PACS1: variants seen among roughly 807,000 people sequenced by gnomAD.
PACS1 encodes phosphofurin acidic cluster sorting protein 1.
In PACS1, 24 loss-of-function variants were observed where a neutral mutation model predicts 115.0. The observed-to-expected ratio is 0.21, with a 90% confidence interval of 0.15 to 0.29. The LOEUF is 0.29. PACS1 is among the 10% of genes least tolerant of loss of function. PACS1 has a pLI of 1.00. For missense variants in PACS1, 838 were observed against 1,251.2 expected, an observed-to-expected ratio of 0.67 and a Z score of 4.98; for synonymous variants, 453 against 504.5, an observed-to-expected ratio of 0.90 and a Z score of 1.37.
chr11:66,213,527 T>TGG (rs1310477670), intron 4 of PACS1, among the ~76,000 whole-genome samples: 2 of 152,186 alleles, frequency 1.3e-5, no homozygotes, highest in Admixed American at 6.5e-5. Context: ...TGTCCCCAAC[T>TGG]GGGTGTCATG....
chr11:66,135,356 A>G lies in PACS1; in HGVS notation c.357-58130A>G, dbSNP rs369051236. On this transcript the variant is annotated intron_variant, in intron 1 of 23. Transcript: ENST00000320580. ...TGAAGAGAAATTAGAAGCCACGCTAAGGACTCATGGTTGCCATCTTCACGA... is the reference window on the plus strand; with the variant it reads ...TGAAGAGAAATTAGAAGCCACGCTAGGGACTCATGGTTGCCATCTTCACGA... Among the ~76,000 whole-genome samples the G allele has an allele frequency of 3.8e-3, 574 of 152,332 alleles. 3 individuals carry two copies. Among genetic ancestry groups the G allele is most frequent in the African/African-American group, 0.013 (524 of 41,580 alleles).
chr11:66,090,429 C>T (rs1334175622), intron 1 of PACS1, among the ~76,000 whole-genome samples: 3 of 152,066 alleles, frequency 2.0e-5, no homozygotes, highest in South Asian at 2.1e-4. Flanking sequence ...CGTGCTGCCA[C>T]ACCCAGCTAA....
rs1488244029 is a variant in PACS1, at chr11:66,121,149, T to C, written c.356+50307T>C. The C allele has an allele frequency of 6.8e-6, 3 of 442,202 alleles. No individual in the cohort carries two copies. The East Asian group carries it at 2.1e-4, about 31-fold the overall frequency. The allele number at this position is 442,202 out of a possible 1,614,324, so 27.4% of individuals were successfully genotyped here. On this transcript the variant is annotated intron_variant, in intron 1 of 23. Coordinates refer to ENST00000320580, the MANE Select transcript of PACS1 (RefSeq NM_018026.4). ...CACATTTTGGTAATTCTTGCAGTAT[T>C]TAAAATTTTTTTATTATTGTGTTGG...
intron 1 of PACS1, among the ~76,000 whole-genome samples, chr11:66,160,358 C>T (rs960050405): frequency 6.6e-6 from 1 of 152,002 alleles, no homozygotes; most frequent in Non-Finnish European, 1.5e-5. Context: ...ATATACATTG[C>T]ACATAACAGT....
chr11:66,157,461 T>C (rs1859387348), intron 1 of PACS1, among the ~76,000 whole-genome samples: 1 of 150,234 alleles, frequency 6.7e-6, no homozygotes, highest in South Asian at 2.1e-4. Context: ...TAGGTACCTG[T>C]GAATATAGGA....
At chr11:66,213,016 A>AT (rs1185918628) in intron 4 of PACS1, among the ~76,000 whole-genome samples, 2 of 151,802 alleles carry the variant, frequency 1.3e-5, no homozygotes, top group Non-Finnish European at 2.9e-5. Context: ...TGCCCGGCTA[A>AT]TTTTTTTTAT....
Position 66,221,223 on chromosome 11 carries a change from C to A in PACS1, c.1269C>A (p.Ser423Arg), listed in dbSNP as rs762020230. 2.5e-6 allele frequency: 4 copies of A among 1,614,222 alleles called. No homozygotes were observed. Among genetic ancestry groups the A allele is most frequent in the Non-Finnish European group, 3.4e-6 (4 of 1,180,032 alleles). Reference protein sequence around the residue: ...TEIGSLNSKGSLGKDTTSPME... With the variant: ...TEIGSLNSKGRLGKDTTSPME... ...TTGGCAGCCTCAACAGCAAAGGCAG[C>A]CTCGGAAAAGACACCACCAGCCCTG... Residue 423 changes from serine (S) to arginine (R), a missense_variant, in exon 10 of 24, where the codon AGC (serine) becomes AGA (arginine). Physicochemically the swap from Ser to Arg is moderately radical, Grantham distance 110. Transcript: ENST00000320580.
intron 1 of PACS1, among the ~76,000 whole-genome samples, chr11:66,181,744 CT>C (rs1318301158): frequency 1.3e-5 from 2 of 151,898 alleles, no homozygotes; most frequent in Admixed American, 1.3e-4. Context: ...TTTGTTTGTT[CT>C]TTTTTTCCCC....
At chr11:66,223,601 A>G (rs1284907352) in intron 10 of PACS1, among the ~76,000 whole-genome samples, 1 of 152,030 alleles carries the variant, frequency 6.6e-6, no homozygotes, top group East Asian at 1.9e-4. Context: ...TGGCCATGAG[A>G]GCTAAATTCC....
intron 1 of PACS1, among the ~76,000 whole-genome samples, chr11:66,160,350 A>T (rs1024594569): frequency 2.6e-5 from 4 of 152,224 alleles, no homozygotes; most frequent in Admixed American, 2.0e-4. Flanking sequence ...ATTAAATTAT[A>T]TACATTGCAC....
intron 1 of PACS1, among the ~76,000 whole-genome samples, chr11:66,087,205 C>T (rs1857587661): frequency 6.6e-6 from 1 of 151,940 alleles, no homozygotes; most frequent in Non-Finnish European, 1.5e-5. Flanking sequence ...TTGTACTTCA[C>T]ACAGTGGATG....
chr11:66,213,815 C>T (rs183867607), intron 4 of PACS1, among the ~76,000 whole-genome samples: 113 of 152,212 alleles, frequency 7.4e-4, no homozygotes, highest in East Asian at 1.4e-3. Flanking sequence ...AGGCGGATCA[C>T]GAGGTCAGGA....
chr11:66,108,550 C>T (rs911657364), intron 1 of PACS1, among the ~76,000 whole-genome samples: 2 of 151,950 alleles, frequency 1.3e-5, no homozygotes, highest in East Asian at 1.9e-4. Context: ...TAGCAAGACC[C>T]CCTGTCTCTA....
chr11:66,139,148 G>T (rs1858919089), intron 1 of PACS1, among the ~76,000 whole-genome samples: 1 of 152,164 alleles, frequency 6.6e-6, no homozygotes, highest in South Asian at 2.1e-4. Flanking sequence ...TAGTTTTCAT[G>T]ATGTGCTTGA....
At chr11:66,161,309 G>A (rs760137429) in intron 1 of PACS1, among the ~76,000 whole-genome samples, 5 of 151,972 alleles carry the variant, frequency 3.3e-5, no homozygotes, top group Middle Eastern at 3.2e-3. Flanking sequence ...AAAATTAGCC[G>A]GGCGTGGTGG....
At chr11:66,227,728 G>A in intron 11 of PACS1, 144 bp downstream of exon 11, 1 of 560,588 alleles carries the variant, frequency 1.8e-6, no homozygotes, top group Non-Finnish European at 3.2e-6. Flanking sequence ...TCTTTCTCCT[G>A]AAATCCTTAC....
At chr11:66,183,582 A>G (rs1246826011) in intron 1 of PACS1, among the ~76,000 whole-genome samples, 1 of 152,182 alleles carries the variant, frequency 6.6e-6, no homozygotes, top group Non-Finnish European at 1.5e-5. Flanking sequence ...TCTGGTCACA[A>G]AGGGACCAGT....
At chr11:66,172,893 T>C (rs1859770564) in intron 1 of PACS1, among the ~76,000 whole-genome samples, 1 of 151,122 alleles carries the variant, frequency 6.6e-6, no homozygotes, top group South Asian at 2.1e-4. Flanking sequence ...GGAGAATCGC[T>C]TGAACCCGGG....
At chr11:66,199,852 T>A (rs1854737908) in intron 2 of PACS1, among the ~76,000 whole-genome samples, 1 of 151,476 alleles carries the variant, frequency 6.6e-6, no homozygotes, top group Non-Finnish European at 1.5e-5. Flanking sequence ...ACCCCATCTC[T>A]ACTAAAAATA....
Sources: gnomAD v4.1 joint callset for allele counts (sites outside exome capture counted in the v4.1 genomes callset) on GRCh38, gnomAD v4.1.1 for gene constraint, MANE v1.5 for transcripts, NCBI Gene and HGNC (gene_info 2026-07-23, HGNC 2026-07-21) for gene names.